Variants in CRYZL1 observed in about 807,000 individuals in gnomAD.
CRYZL1 encodes ferry endosomal RAB5 effector complex subunit 4.
A neutral mutation model predicts 50.6 loss-of-function variants in CRYZL1; 34 were observed. That is an observed-to-expected ratio of 0.67 (90% CI 0.51 to 0.89). The LOEUF is 0.89. Among genes scored for constraint, CRYZL1 ranks in the 40% least tolerant of loss-of-function variants. CRYZL1 has a pLI of 0.00. For missense variants in CRYZL1, 354 were observed against 402.3 expected, an observed-to-expected ratio of 0.88 and a Z score of 1.03; for synonymous variants, 125 against 134.3, an observed-to-expected ratio of 0.93 and a Z score of 0.48.
chr21:33,591,400 G>A (rs1320865567), intron 11 of CRYZL1, 193 bp from the exon 12 acceptor site: 4 of 600,122 alleles, frequency 6.7e-6, no homozygotes, highest in African/African-American at 1.9e-5. Context: ...TTGAGAGTTG[G>A]TGGTGTAATA....
intron 6 of CRYZL1, among the ~76,000 whole-genome samples, chr21:33,606,984 C>T (rs952991394): frequency 5.3e-5 from 8 of 152,288 alleles, no homozygotes; most frequent in African/African-American, 1.9e-4. Context: ...CATTGCACTC[C>T]AGCCTGGGCA....
At position 33,620,813 on chromosome 21, in the gene CRYZL1, A is replaced by AG. The variant is rs1271624747; in HGVS notation, c.217+1182_217+1183insC. On this transcript the variant is annotated intron_variant, in intron 4 of 12. Coordinates refer to ENST00000381554, the MANE Select transcript of CRYZL1 (RefSeq NM_145858.3). ...AGACAGAGTGAGACTCTGAAAAAAA[A>AG]CAAAAACAAAACAAAACAAAACAAA... Among the ~76,000 whole-genome samples, 3 of 152,080 alleles carry AG rather than the reference A, an allele frequency of 2.0e-5. No individual in the cohort carries two copies. In the East Asian group the frequency reaches 5.8e-4, roughly 29 times the overall value.
At chr21:33,590,341 C>A (rs2086631339) in intron 12 of CRYZL1, among the ~76,000 whole-genome samples, 1 of 151,490 alleles carries the variant, frequency 6.6e-6, no homozygotes, top group Non-Finnish European at 1.5e-5. Context: ...TTAAGTAATT[C>A]AAACAAATTC....
chr21:33,614,223 C>T (rs911328824), intron 5 of CRYZL1, among the ~76,000 whole-genome samples: 1 of 149,700 alleles, frequency 6.7e-6, no homozygotes, highest in African/African-American at 2.5e-5. Flanking sequence ...TGGTGGTTCA[C>T]ACTTGTAATC....
chr21:33,635,163 T>G (rs2087189685), intron 1 of CRYZL1, among the ~76,000 whole-genome samples: 1 of 151,880 alleles, frequency 6.6e-6, no homozygotes, highest in African/African-American at 2.4e-5. Context: ...AATGGTAGAA[T>G]GGATGGTATT....
chr21:33,631,611 G>A, intron 1 of CRYZL1, 54 bp from the exon 2 acceptor site: 1 of 1,207,660 alleles, frequency 8.3e-7, no homozygotes, highest in Non-Finnish European at 1.1e-6. Flanking sequence ...CAGACTAAAT[G>A]TAAGCAAAAA....
chr21:33,596,371 C>T (rs151334266), intron 10 of CRYZL1, among the ~76,000 whole-genome samples: 135 of 151,844 alleles, frequency 8.9e-4, no homozygotes, highest in African/African-American at 3.1e-3. Context: ...AGCGTGGTGG[C>T]TCACACCTGT....
chr21:33,614,014 T>C (rs2145938110), intron 5 of CRYZL1, among the ~76,000 whole-genome samples: 1 of 150,964 alleles, frequency 6.6e-6, no homozygotes, highest in Admixed American at 6.6e-5. Flanking sequence ...CTACTAAAAA[T>C]ATAAAAAATT....
intron 2 of CRYZL1, 57 bp downstream of exon 2, chr21:33,631,429 G>C: frequency 1.6e-6 from 2 of 1,226,204 alleles, no homozygotes; most frequent in Non-Finnish European, 2.2e-6. Context: ...TTTAAAAGTG[G>C]GTTTATTGCA....
chr21:33,622,023 T>A lies in CRYZL1; in HGVS notation c.190A>T (p.Arg64Ter), dbSNP rs1376937525. The A allele has an allele frequency of 3.6e-5, 58 of 1,612,406 alleles. No individual in the cohort carries two copies. Among genetic ancestry groups the A allele is most frequent in the Non-Finnish European group, 4.8e-5 (56 of 1,178,798 alleles). Residue 64 changes from arginine to a stop codon, truncating the protein, a stop_gained, in exon 4 of 13, where the codon AGA becomes TGA. Coordinates refer to ENST00000381554, the MANE Select transcript of CRYZL1 (RefSeq NM_145858.3). LOFTEE classifies it high-confidence loss of function. Reference sequence around the variant, plus strand: ...TCTAATACAATTCCAGCAATTTCTCTCCCAACAGGAAATAAATCCTTTTTC... The same window carrying A: ...TCTAATACAATTCCAGCAATTTCTCACCCAACAGGAAATAAATCCTTTTTC... ...KMKKDLFPVG[R>*]EIAGIVLDVG...
intron 2 of CRYZL1, among the ~76,000 whole-genome samples, chr21:33,625,218 C>A (rs1488421964): frequency 6.6e-6 from 1 of 151,326 alleles, no homozygotes; most frequent in East Asian, 1.9e-4. Context: ...TGCGGTGGCG[C>A]GATCTCGGCT....
At chr21:33,596,208 T>C in intron 10 of CRYZL1, 1 of 484,162 alleles carries the variant, frequency 2.1e-6, no homozygotes, top group Non-Finnish European at 4.2e-6. Context: ...TGCTGAAAAA[T>C]ATAACCTTGA....
intron 5 of CRYZL1, among the ~76,000 whole-genome samples, chr21:33,615,935 A>T (rs1301717868): frequency 6.6e-6 from 1 of 152,186 alleles, no homozygotes; most frequent in Non-Finnish European, 1.5e-5. Flanking sequence ...CTAAATATAT[A>T]TATTTTTTAT....
intron 6 of CRYZL1, among the ~76,000 whole-genome samples, chr21:33,606,867 C>G (rs2086820160): frequency 6.6e-6 from 1 of 151,862 alleles, no homozygotes; most frequent in Admixed American, 6.6e-5. Context: ...AAAAATTAGT[C>G]AGGCGTGGTG....
intron 3 of CRYZL1, 113 bp from the exon 4 acceptor site, chr21:33,622,181 C>G: frequency 1.2e-6 from 1 of 825,474 alleles, no homozygotes; most frequent in Non-Finnish European, 2.0e-6. Context: ...AAATATGGTT[C>G]AAGTTTTGGA....
At chr21:33,613,778 T>G (rs1400208948) in intron 5 of CRYZL1, among the ~76,000 whole-genome samples, 172 bp from the exon 6 acceptor site, 1 of 152,222 alleles carries the variant, frequency 6.6e-6, no homozygotes, top group Admixed American at 6.5e-5. Context: ...GTGCCACTCC[T>G]GCTATCGCTT....
In CRYZL1 at chr21:33,615,970, G is replaced by A. The variant is rs762056294; in HGVS notation, c.262+736C>T. Among the ~76,000 whole-genome samples the A allele has an allele frequency of 4.6e-5, 7 of 152,144 alleles. No individual in the cohort carries two copies. In the South Asian group the frequency reaches 1.5e-3, roughly 32 times the overall value. On this transcript the variant is annotated intron_variant, in intron 5 of 12. Coordinates refer to ENST00000381554, the MANE Select transcript of CRYZL1 (RefSeq NM_145858.3). ...TTATACTTTAAGTTTTAGGGTACAT[G>A]TGCACATTGTGCAGGTTAGTTACAT...
At chr21:33,618,584 GC>G (rs2086961951) in intron 4 of CRYZL1, among the ~76,000 whole-genome samples, 1 of 152,136 alleles carries the variant, frequency 6.6e-6, no homozygotes, top group African/African-American at 2.4e-5. Context: ...TCTGGAAATG[GC>G]CCCTTTGACT....
intron 11 of CRYZL1, chr21:33,595,196 AT>A (rs1397834386): frequency 8.8e-7 from 1 of 1,130,034 alleles, no homozygotes; most frequent in African/African-American, 1.6e-5. Context: ...CACCAGACTT[AT>A]CTCTGAATGA....
Sources: gnomAD v4.1 joint callset for allele counts (sites outside exome capture counted in the v4.1 genomes callset) on GRCh38, gnomAD v4.1.1 for gene constraint, MANE v1.5 for transcripts, NCBI Gene and HGNC (gene_info 2026-07-23, HGNC 2026-07-21) for gene names.